Variants in NEO1 observed in about 807,000 individuals in gnomAD.
The protein encoded by NEO1 is neogenin.
A neutral mutation model predicts 159.7 loss-of-function variants in NEO1; 63 were observed. The ratio of observed to expected loss-of-function variants is 0.39; its 90% confidence interval spans 0.32 to 0.49. The LOEUF (loss-of-function observed/expected upper bound fraction) is 0.49, where lower values mean the gene tolerates loss of function less well. Among genes scored for constraint, NEO1 ranks in the 20% least tolerant of loss-of-function variants. The pLI is 0.85. For missense variants in NEO1, 1,615 were observed against 1,831.0 expected (o/e 0.88, Z 2.15); for synonymous variants, 633 against 662.0 (o/e 0.96, Z 0.67).
rs1306020173 is a variant in NEO1 at position 73,236,340 on chromosome 15, C to G, written c.1292-7C>G. The G allele has an allele frequency of 6.2e-7, 1 of 1,614,044 alleles. No homozygotes were observed. The highest frequency in any genetic ancestry group is 1.1e-5 in the South Asian group (1 of 91,084). The stretch of plus-strand genomic sequence containing the variant: ...TTCACTGACCAGTGCCACTACTGAC[C>G]ATCTAGCACCAGCCACAACGGGACC... On this transcript the variant is annotated splice_polypyrimidine_tract_variant and splice_region_variant and intron_variant, in intron 7 of 28. Transcript: ENST00000261908.
At chr15:73,218,734 C>G (rs545032314) in intron 7 of NEO1, among the ~76,000 whole-genome samples, 2 of 152,184 alleles carry the variant, frequency 1.3e-5, no homozygotes, top group Non-Finnish European at 2.9e-5. Context: ...GTAGTATTCC[C>G]TGATGGTAGT....
At chr15:73,126,619 T>C (rs1424142852) in intron 4 of NEO1, 49 bp downstream of exon 4, 1 of 1,560,430 alleles carries the variant, frequency 6.4e-7, no homozygotes, top group Non-Finnish European at 8.7e-7. Flanking sequence ...CTTGAGACTT[T>C]GTCATATCCC....
intron 15 of NEO1, among the ~76,000 whole-genome samples, chr15:73,265,321 G>A (rs755028525): frequency 2.0e-5 from 3 of 152,286 alleles, no homozygotes; most frequent in African/African-American, 4.8e-5. Context: ...CACTGGAGCC[G>A]ATCTGAAGCT....
chr15:73,230,155 G>T (rs2038822079), intron 7 of NEO1, among the ~76,000 whole-genome samples: 1 of 152,152 alleles, frequency 6.6e-6, no homozygotes, highest in Non-Finnish European at 1.5e-5. Flanking sequence ...ATAACATCCA[G>T]CAGTAAAGCC....
intron 1 of NEO1, among the ~76,000 whole-genome samples, chr15:73,090,165 A>T (rs532425331): frequency 6.6e-6 from 1 of 152,324 alleles, no homozygotes; most frequent in Non-Finnish European, 1.5e-5. Context: ...AACAAGTTGC[A>T]TAACAATATA....
At chr15:73,234,178 A>G (rs2039056193) in intron 7 of NEO1, among the ~76,000 whole-genome samples, 1 of 152,204 alleles carries the variant, frequency 6.6e-6, no homozygotes, top group South Asian at 2.1e-4. Context: ...GCTGCAAAGC[A>G]AGACTGTTCA....
intron 23 of NEO1, among the ~76,000 whole-genome samples, chr15:73,287,890 A>C (rs960488361): frequency 6.7e-6 from 1 of 150,240 alleles, no homozygotes; most frequent in East Asian, 2.0e-4. Flanking sequence ...AAAAAAAAAA[A>C]CAAAAAAAGT....
chr15:73,217,537 C>T (rs1195772011), intron 7 of NEO1, among the ~76,000 whole-genome samples: 2 of 152,124 alleles, frequency 1.3e-5, no homozygotes, highest in African/African-American at 2.4e-5. Context: ...GCCATTTTCA[C>T]GATATTGATT....
chr15:73,299,249 A>G (rs947299019), intron 27 of NEO1, among the ~76,000 whole-genome samples: 4 of 152,342 alleles, frequency 2.6e-5, no homozygotes, highest in South Asian at 2.1e-4. Context: ...GCTTTTCTTC[A>G]TATGGGTTAT....
At chr15:73,059,404 A>G (rs919467887) in intron 1 of NEO1, among the ~76,000 whole-genome samples, 11 of 152,202 alleles carry the variant, frequency 7.2e-5, no homozygotes, top group Non-Finnish European at 5.9e-5. Flanking sequence ...AAATTATTTC[A>G]TAGCGAGAAT....
chr15:73,205,603 C>T (rs1444293761), intron 7 of NEO1, among the ~76,000 whole-genome samples: 1 of 152,170 alleles, frequency 6.6e-6, no homozygotes, highest in Non-Finnish European at 1.5e-5. Flanking sequence ...AGTCCACACT[C>T]AACCTCTAGC....
chr15:73,171,246 A>G (rs1208976099), intron 5 of NEO1, among the ~76,000 whole-genome samples: 1 of 152,144 alleles, frequency 6.6e-6, no homozygotes, highest in East Asian at 1.9e-4. Flanking sequence ...TGTTTGCCCA[A>G]TTTGAATAAA....
chr15:73,088,921 GAGTA>G (rs1359412288), intron 1 of NEO1, among the ~76,000 whole-genome samples: 2 of 152,104 alleles, frequency 1.3e-5, no homozygotes, highest in African/African-American at 2.4e-5. Flanking sequence ...GATTCAGAAA[GAGTA>G]AGGAAGGAAA....
At chr15:73,176,674 A>G in intron 6 of NEO1, 117 bp downstream of exon 6, 2 of 686,968 alleles carry the variant, frequency 2.9e-6, no homozygotes, top group Non-Finnish European at 4.5e-6. Context: ...AATGAAATAG[A>G]AGAATTCACA....
In NEO1 at chr15:73,173,660, G is replaced by A. The variant is rs193126836; in HGVS notation, c.1016-2743G>A. Among the ~76,000 whole-genome samples the A allele has an allele frequency of 2.8e-4, 43 of 152,252 alleles. No individual in the cohort carries two copies. The East Asian group carries it at 3.1e-3, about 11-fold the overall frequency. On this transcript the variant is annotated intron_variant, in intron 5 of 28. Coordinates refer to ENST00000261908, the MANE Select transcript of NEO1 (RefSeq NM_002499.4). The stretch of plus-strand genomic sequence containing the variant: ...CTTATAAATTTTACCATATGCAAAC[G>A]TAAAACTTTGTTACAATAGATGCCT...
chr15:73,227,389 G>A (rs966966104), intron 7 of NEO1, among the ~76,000 whole-genome samples: 15 of 152,068 alleles, frequency 9.9e-5, no homozygotes, highest in Non-Finnish European at 2.2e-4. Context: ...CCAGCTACCC[G>A]GGAGGCTGAC....
At chr15:73,095,284 T>A (rs2069947587) in intron 1 of NEO1, among the ~76,000 whole-genome samples, 1 of 152,130 alleles carries the variant, frequency 6.6e-6, no homozygotes, top group Non-Finnish European at 1.5e-5. Flanking sequence ...AAGCTAATGT[T>A]GATTTTTACA....
At chr15:73,162,014 G>T in intron 5 of NEO1, 1 of 234,348 alleles carries the variant, frequency 4.3e-6, no homozygotes, top group Non-Finnish European at 8.7e-6. Context: ...TGGTGTTGAT[G>T]GTTTTGAATC....
At chr15:73,150,018 C>G (rs2033247127) in intron 5 of NEO1, among the ~76,000 whole-genome samples, 1 of 152,176 alleles carries the variant, frequency 6.6e-6, no homozygotes, top group Admixed American at 6.5e-5. Context: ...TCACCTTGAT[C>G]TCTTGCCCAG....
Sources: gnomAD v4.1 joint callset for allele counts (sites outside exome capture counted in the v4.1 genomes callset) on GRCh38, gnomAD v4.1.1 for gene constraint, MANE v1.5 for transcripts, NCBI Gene and HGNC (gene_info 2026-07-23, HGNC 2026-07-21) for gene names.